CAMK4: variants seen among roughly 807,000 people sequenced by gnomAD.
The protein encoded by CAMK4 is calcium/calmodulin dependent protein kinase IV.
Under a neutral mutation model 44.9 loss-of-function variants are expected in CAMK4, and 22 were observed. The observed-to-expected ratio is 0.49, with a 90% CI of 0.35 to 0.70. The LOEUF (loss-of-function observed/expected upper bound fraction) is 0.70. Among genes scored for constraint, CAMK4 ranks in the 30% least tolerant of loss-of-function variants. The probability of loss-of-function intolerance (pLI) is 0.01; values close to 1 mark genes in which losing one functional copy is unlikely to be tolerated. For synonymous variants in CAMK4, 218 were observed against 215.4 expected, an observed-to-expected ratio of 1.01 and a Z score of -0.11; for missense variants, 498 against 586.8, an observed-to-expected ratio of 0.85 and a Z score of 1.56.
At chr5:111,389,952 T>C (rs753119081) in intron 4 of CAMK4, among the ~76,000 whole-genome samples, 4 of 151,946 alleles carry the variant, frequency 2.6e-5, no homozygotes, top group Non-Finnish European at 5.9e-5. Flanking sequence ...TCCTGAACTT[T>C]CTCTGTCACA....
chr5:111,446,830 T>A (rs899789079), intron 6 of CAMK4, 54 bp downstream of exon 6: 17 of 1,060,512 alleles, frequency 1.6e-5, no homozygotes, highest in Non-Finnish European at 2.2e-5. Flanking sequence ...AGAAAAAATT[T>A]TACTGTGTGG....
At chr5:111,367,871 T>C (rs1346104694) in intron 2 of CAMK4, among the ~76,000 whole-genome samples, 1 of 152,100 alleles carries the variant, frequency 6.6e-6, no homozygotes, top group Non-Finnish European at 1.5e-5. Context: ...AGAAGTACCA[T>C]GTGCCCATTG....
chr5:111,381,331 C>T (rs1580677862), intron 4 of CAMK4, among the ~76,000 whole-genome samples: 1 of 152,234 alleles, frequency 6.6e-6, no homozygotes. Flanking sequence ...GCTGAGGAGC[C>T]AGGAAGCCAG....
chr5:111,266,691 T>C (rs186452116), intron 1 of CAMK4, among the ~76,000 whole-genome samples: 8 of 152,336 alleles, frequency 5.3e-5, no homozygotes, highest in African/African-American at 1.9e-4. Context: ...TGTTTTGCCA[T>C]ACAAATAAAA....
intron 4 of CAMK4, among the ~76,000 whole-genome samples, chr5:111,380,912 T>G (rs1387974661): frequency 6.6e-6 from 1 of 152,192 alleles, no homozygotes; most frequent in Non-Finnish European, 1.5e-5. Flanking sequence ...CTGGTATACT[T>G]CTTGTCAAGT....
chr5:111,248,519 GAA>G (rs111654091), intron 1 of CAMK4, among the ~76,000 whole-genome samples: 1 of 147,820 alleles, frequency 6.8e-6, no homozygotes. Flanking sequence ...AACAAGTCAT[GAA>G]AAAAAAAAAC....
intron 1 of CAMK4, among the ~76,000 whole-genome samples, chr5:111,321,806 T>A (rs182905689): frequency 2.3e-4 from 35 of 152,202 alleles, no homozygotes; most frequent in African/African-American, 7.7e-4. Context: ...TTTAAAAAGC[T>A]GCCTGGAACA....
chr5:111,278,195 G>A (rs1442872851), intron 1 of CAMK4, among the ~76,000 whole-genome samples: 1 of 152,194 alleles, frequency 6.6e-6, no homozygotes, highest in Non-Finnish European at 1.5e-5. Context: ...TAATTCTAGT[G>A]CTTTGCACAA....
chr5:111,228,025 A>G (rs1175302214), intron 1 of CAMK4, among the ~76,000 whole-genome samples: 1 of 152,216 alleles, frequency 6.6e-6, no homozygotes, highest in African/African-American at 2.4e-5. Context: ...GTGGTTTGGC[A>G]CATGGAATGA....
chr5:111,424,640 G>A (rs1346841267), intron 5 of CAMK4, among the ~76,000 whole-genome samples: 1 of 150,928 alleles, frequency 6.6e-6, no homozygotes, highest in South Asian at 2.1e-4. Context: ...GTAGAGATGG[G>A]GTTTCACCAT....
intron 1 of CAMK4, among the ~76,000 whole-genome samples, chr5:111,243,138 G>A (rs1015837936): frequency 1.3e-5 from 2 of 152,202 alleles, no homozygotes; most frequent in Non-Finnish European, 2.9e-5. Context: ...CCATTGAATA[G>A]GGACCACTGC....
intron 6 of CAMK4, among the ~76,000 whole-genome samples, chr5:111,448,469 TAAC>T (rs1189875779): frequency 1.3e-5 from 2 of 152,228 alleles, no homozygotes; most frequent in African/African-American, 4.8e-5. Flanking sequence ...ATTTCAGAAG[TAAC>T]AACATTAGAC....
intron 2 of CAMK4, among the ~76,000 whole-genome samples, chr5:111,372,410 A>G (rs1231157723): frequency 1.3e-5 from 2 of 152,144 alleles, no homozygotes; most frequent in Non-Finnish European, 2.9e-5. Flanking sequence ...GCTAATGATA[A>G]TACTATTTGA....
intron 5 of CAMK4, among the ~76,000 whole-genome samples, chr5:111,432,996 T>C (rs1336366495): frequency 6.6e-6 from 1 of 152,168 alleles, no homozygotes; most frequent in African/African-American, 2.4e-5. Flanking sequence ...ATTAAAATAT[T>C]TGACTATGGA....
intron 2 of CAMK4, chr5:111,357,822 C>A (rs1750431534): frequency 6.6e-6 from 1 of 152,026 alleles, no homozygotes; most frequent in South Asian, 2.1e-4. Context: ...TAATGTAGTG[C>A]CGCTTTCACA....
intron 2 of CAMK4, among the ~76,000 whole-genome samples, chr5:111,367,296 C>T (rs1164714720): frequency 6.6e-6 from 1 of 151,686 alleles, no homozygotes; most frequent in Non-Finnish European, 1.5e-5. Context: ...AAGAGCCACT[C>T]CCATCATAAC....
At chr5:111,451,340 A>T (rs946084040) in intron 7 of CAMK4, among the ~76,000 whole-genome samples, 3 of 152,146 alleles carry the variant, frequency 2.0e-5, no homozygotes, top group East Asian at 3.9e-4. Context: ...TCATTTTAAT[A>T]TATATATATT....
intron 5 of CAMK4, among the ~76,000 whole-genome samples, chr5:111,416,712 G>T (rs1423779869): frequency 6.6e-6 from 1 of 152,074 alleles, no homozygotes; most frequent in Non-Finnish European, 1.5e-5. Flanking sequence ...CACATAGAAG[G>T]CATTCAAAAA....
At chr5:111,376,454 A>C (rs182372917) in intron 3 of CAMK4, among the ~76,000 whole-genome samples, 9 of 152,120 alleles carry the variant, frequency 5.9e-5, no homozygotes, top group Non-Finnish European at 7.4e-5. Flanking sequence ...CCTAATTTTA[A>C]GTTTTGTAAT....
Sources: allele counts gnomAD v4.1 joint callset (sites outside exome capture counted in the v4.1 genomes callset), GRCh38; gene constraint gnomAD v4.1.1; transcripts MANE v1.5; gene names NCBI Gene and HGNC (gene_info 2026-07-23, HGNC 2026-07-21).